Variants in DTNA observed in about 807,000 individuals in gnomAD.
The protein encoded by DTNA is dystrophin-related protein 3.
A neutral mutation model predicts 100.7 loss-of-function variants in DTNA; 43 were observed. The observed-to-expected ratio is 0.43, with a 90% CI of 0.33 to 0.55. The LOEUF is 0.55. DTNA is among the 20% of genes least tolerant of loss of function. The pLI, the probability that DTNA is intolerant of heterozygous loss-of-function variation, is 0.04. For synonymous variants in DTNA, 349 were observed against 347.9 expected, an observed-to-expected ratio of 1.00 and a Z score of -0.04; for missense variants, 798 against 953.9, an observed-to-expected ratio of 0.84 and a Z score of 2.15.
chr18:34,701,973 A>G (rs1009550839), intron 1 of DTNA, among the ~76,000 whole-genome samples: 1 of 152,150 alleles, frequency 6.6e-6, no homozygotes, highest in African/African-American at 2.4e-5. Context: ...TAAAAACAAA[A>G]GTTGTGTTTT....
At chr18:34,767,341 G>A (rs1350700804) in intron 3 of DTNA, among the ~76,000 whole-genome samples, 1 of 152,062 alleles carries the variant, frequency 6.6e-6, no homozygotes, top group Non-Finnish European at 1.5e-5. Context: ...ATGACTGTGA[G>A]GATGCAAAGT....
intron 1 of DTNA, among the ~76,000 whole-genome samples, chr18:34,737,318 A>G (rs1255770042): frequency 6.6e-6 from 1 of 152,200 alleles, no homozygotes; most frequent in Non-Finnish European, 1.5e-5. Flanking sequence ...TGTGTACAAA[A>G]TTACTTTGTA....
At chr18:34,762,876 C>T (rs750891954) in intron 2 of DTNA, among the ~76,000 whole-genome samples, 3 of 152,286 alleles carry the variant, frequency 2.0e-5, no homozygotes, top group East Asian at 1.9e-4. Context: ...CACAGTGATA[C>T]GACAGGAGAG....
chr18:34,517,677 TG>T (rs2041783076), intron 1 of DTNA, among the ~76,000 whole-genome samples: 1 of 151,992 alleles, frequency 6.6e-6, no homozygotes, highest in South Asian at 2.1e-4. Context: ...ATTGCAAAAA[TG>T]TTATATAAAT....
chr18:34,814,289 TA>T (rs1951771867), intron 6 of DTNA, among the ~76,000 whole-genome samples: 1 of 152,216 alleles, frequency 6.6e-6, no homozygotes, highest in Non-Finnish European at 1.5e-5. Context: ...TCTTGAATTT[TA>T]GTTAGTGTAT....
intron 1 of DTNA, among the ~76,000 whole-genome samples, chr18:34,685,912 A>T (rs902280902): frequency 6.6e-6 from 1 of 152,042 alleles, no homozygotes; most frequent in African/African-American, 2.4e-5. Flanking sequence ...TGTGAATGGG[A>T]GTTTGCTCAT....
At chr18:34,790,216 A>G (rs948369016) in intron 3 of DTNA, among the ~76,000 whole-genome samples, 4 of 152,188 alleles carry the variant, frequency 2.6e-5, no homozygotes, top group African/African-American at 7.2e-5. Flanking sequence ...AGTTATCACA[A>G]TAGACACAGC....
chr18:34,868,398 C>T (rs2150227250), intron 17 of DTNA: 1 of 885,804 alleles, frequency 1.1e-6, no homozygotes, highest in East Asian at 1.2e-4. Flanking sequence ...AGAGGCGGTT[C>T]TGCAAGGAAA....
chr18:34,875,456 G>A lies in DTNA; in HGVS notation c.1903+58G>A, dbSNP rs1487633526. 8.7e-6 allele frequency: 14 copies of A among 1,610,148 alleles called. No individual in the cohort carries two copies. The African/African-American group carries it at 1.7e-4, about 20-fold the overall frequency. On this transcript the variant is annotated intron_variant, in intron 18 of 22. Transcript: ENST00000444659. ...TTTATGTGGCAAATAGGTCACCAAG[G>A]TCTATTGAGTGGTCAAGAGTTGTCA...
chr18:34,845,539 C>A (rs1424551030), intron 13 of DTNA, among the ~76,000 whole-genome samples: 1 of 151,974 alleles, frequency 6.6e-6, no homozygotes, highest in Non-Finnish European at 1.5e-5. Context: ...TATCATGTTC[C>A]TGGGCCTGGA....
chr18:34,629,357 G>A (rs191046411), intron 1 of DTNA, among the ~76,000 whole-genome samples: 2 of 152,280 alleles, frequency 1.3e-5, no homozygotes, highest in East Asian at 3.9e-4. Flanking sequence ...ATAAGTAACT[G>A]TACAAAGAGC....
At chr18:34,597,354 C>T (rs2050843391) in intron 1 of DTNA, among the ~76,000 whole-genome samples, 2 of 152,156 alleles carry the variant, frequency 1.3e-5, no homozygotes, top group East Asian at 3.9e-4. Flanking sequence ...AAAAAATCTT[C>T]TTAAATCCCG....
At chr18:34,525,195 G>A (rs2042499200) in intron 1 of DTNA, among the ~76,000 whole-genome samples, 1 of 151,986 alleles carries the variant, frequency 6.6e-6, no homozygotes, top group African/African-American at 2.4e-5. Flanking sequence ...GAGCAAAGTG[G>A]GAGTGAATAA....
chr18:34,672,450 C>T (rs1234362996), intron 1 of DTNA, among the ~76,000 whole-genome samples: 1 of 151,990 alleles, frequency 6.6e-6, no homozygotes, highest in Non-Finnish European at 1.5e-5. Context: ...TTTTGGGATA[C>T]CTGAATTTTG....
chr18:34,736,062 G>A (rs978340289), intron 1 of DTNA, among the ~76,000 whole-genome samples: 1 of 152,108 alleles, frequency 6.6e-6, no homozygotes, highest in African/African-American at 2.4e-5. Flanking sequence ...ATACCTAGAG[G>A]ACGTCTATAC....
rs184432204 is a variant in DTNA at position 34,813,304 on chromosome 18, G to A, written c.603+1191G>A. On this transcript the variant is annotated intron_variant, in intron 6 of 22. Coordinates refer to ENST00000444659, the MANE Select transcript of DTNA (RefSeq NM_001386795.1). ...CAACATAGGGAAACCCCATTTCTAC[G>A]AAAAATTTTTAAAACATAGCCAGGC... 2.1e-3 allele frequency among the ~76,000 whole-genome samples: 316 copies of A among 151,854 alleles called. 3 individuals are homozygous for A. The highest frequency in any genetic ancestry group is 6.8e-3 in the Middle Eastern group (2 of 292).
chr18:34,643,043 G>C (rs1017395861), intron 1 of DTNA, among the ~76,000 whole-genome samples: 1 of 152,200 alleles, frequency 6.6e-6, no homozygotes, highest in Non-Finnish European at 1.5e-5. Context: ...ACATCTCTGA[G>C]TATTAGGTAT....
intron 17 of DTNA, among the ~76,000 whole-genome samples, chr18:34,871,231 G>A (rs1180241838): frequency 4.6e-5 from 7 of 152,148 alleles, no homozygotes; most frequent in Admixed American, 2.0e-4. Context: ...CTCATTTCTG[G>A]TGGTGAATAG....
chr18:34,540,064 C>G (rs1460711976), intron 1 of DTNA, among the ~76,000 whole-genome samples: 1 of 151,812 alleles, frequency 6.6e-6, no homozygotes, highest in Non-Finnish European at 1.5e-5. Context: ...TTTTTATGAA[C>G]TCTCAGATAT....
Sources: allele counts gnomAD v4.1 joint callset (sites outside exome capture counted in the v4.1 genomes callset), GRCh38; gene constraint gnomAD v4.1.1; transcripts MANE v1.5; gene names NCBI Gene and HGNC (gene_info 2026-07-23, HGNC 2026-07-21).